Variants in STIMATE observed in about 807,000 individuals in gnomAD.
The protein encoded by STIMATE is STIM activating enhancer, also known as store-operated calcium entry regulator STIMATE.
STIMATE carries 15 observed loss-of-function variants against 36.7 expected under a neutral mutation model. The observed-to-expected ratio is 0.41, with a 90% confidence interval of 0.27 to 0.63. The LOEUF is 0.63. STIMATE is among the 20% of genes least tolerant of loss of function. The probability of loss-of-function intolerance (pLI) is 0.32; values close to 1 mark genes in which losing one functional copy is unlikely to be tolerated. For synonymous variants in STIMATE, 163 were observed against 162.3 expected (o/e 1.00, Z -0.03); for missense variants, 305 against 397.3 (o/e 0.77, Z 1.98).
chr3:52,863,025 T>C (rs1049007891), intron 1 of STIMATE, among the ~76,000 whole-genome samples: 9 of 151,932 alleles, frequency 5.9e-5, no homozygotes, highest in African/African-American at 2.2e-4. Flanking sequence ...CTGGAGGGAG[T>C]GTGGCCGCTG....
At chr3:52,881,471 A>G (rs1644603248) in intron 1 of STIMATE, among the ~76,000 whole-genome samples, 2 of 152,034 alleles carry the variant, frequency 1.3e-5, no homozygotes, top group Admixed American at 1.3e-4. Flanking sequence ...TTCGGAGGCC[A>G]AGGCGGGCGG....
At chr3:52,865,591 G>A (rs1230210139) in intron 1 of STIMATE, among the ~76,000 whole-genome samples, 1 of 146,386 alleles carries the variant, frequency 6.8e-6, no homozygotes, top group African/African-American at 2.5e-5. Context: ...GATCTCATGA[G>A]ACTTATTCAC....
At chr3:52,889,197 CGTAGTAG>C (rs1701742048) in intron 1 of STIMATE, among the ~76,000 whole-genome samples, 1 of 152,132 alleles carries the variant, frequency 6.6e-6, no homozygotes, top group Admixed American at 6.5e-5. Context: ...ACTATCCTGC[CGTAGTAG>C]GTACAGAATT....
At chr3:52,849,724 G>A (rs746859358) in intron 4 of STIMATE, 68 bp downstream of exon 4, 24 of 1,541,848 alleles carry the variant, frequency 1.6e-5, no homozygotes, top group East Asian at 7.1e-5. Flanking sequence ...CTGGTGGGCC[G>A]CATGGGGCAA....
At chr3:52,870,503 C>T (rs765260031) in intron 1 of STIMATE, among the ~76,000 whole-genome samples, 23 of 151,774 alleles carry the variant, frequency 1.5e-4, no homozygotes, top group Non-Finnish European at 7.4e-5. Context: ...GGTGAGCACA[C>T]GAGAGTGGCA....
At chr3:52,876,612 C>T (rs998099026) in intron 1 of STIMATE, among the ~76,000 whole-genome samples, 3 of 152,186 alleles carry the variant, frequency 2.0e-5, no homozygotes, top group East Asian at 1.9e-4. Context: ...AAAACCATTA[C>T]GAACACAAGT....
rs1700713698 is a variant in STIMATE, at chr3:52,836,954, C to A, written c.*3540G>T. The A allele has an allele frequency of 1.0e-5, 2 of 195,798 alleles. No individual in the cohort carries two copies. Among genetic ancestry groups the A allele is most frequent in the East Asian group, 1.3e-4 (1 of 7,504 alleles). 12.1% of individuals were successfully genotyped at this position (195,798 alleles called of 1,614,324 possible). Reference sequence around the variant, plus strand: ...AGGAAAAGAAAAATCAAATTTAAAACAACCCAACCAACCAACCACCAACCA... The same window carrying A: ...AGGAAAAGAAAAATCAAATTTAAAAAAACCCAACCAACCAACCACCAACCA... On this transcript the variant is annotated 3_prime_UTR_variant, in exon 8 of 8. Coordinates refer to ENST00000355083, the MANE Select transcript of STIMATE (RefSeq NM_198563.5).
chr3:52,852,245 T>C (rs1388403990), intron 3 of STIMATE, among the ~76,000 whole-genome samples: 1 of 152,180 alleles, frequency 6.6e-6, no homozygotes, highest in Admixed American at 6.5e-5. Flanking sequence ...AGCCCTGGTG[T>C]GTCCTGGTTC....
At chr3:52,872,920 C>T (rs1028881575) in intron 1 of STIMATE, among the ~76,000 whole-genome samples, 1 of 152,226 alleles carries the variant, frequency 6.6e-6, no homozygotes, top group South Asian at 2.1e-4. Context: ...GCCACCACGC[C>T]CGGCAACCAT....
chr3:52,884,374 T>C (rs1157373962), intron 1 of STIMATE, among the ~76,000 whole-genome samples: 2 of 151,788 alleles, frequency 1.3e-5, no homozygotes, highest in Non-Finnish European at 1.5e-5. Context: ...GCCTCCCGAG[T>C]ACCTGGGACA....
chr3:52,857,502 T>A (rs1701126431), intron 1 of STIMATE, among the ~76,000 whole-genome samples: 1 of 152,152 alleles, frequency 6.6e-6, no homozygotes, highest in Non-Finnish European at 1.5e-5. Context: ...CACTGCATGC[T>A]CATTTCTCCT....
At chr3:52,886,812 T>G (rs1400827490) in intron 1 of STIMATE, among the ~76,000 whole-genome samples, 1 of 152,230 alleles carries the variant, frequency 6.6e-6, no homozygotes, top group Non-Finnish European at 1.5e-5. Flanking sequence ...TAGAATCAAC[T>G]GACACCAGGC....
At chr3:52,859,531 A>AAAATATTT (rs748928249) in intron 1 of STIMATE, among the ~76,000 whole-genome samples, 1 of 18,810 alleles carries the variant, frequency 5.3e-5, no homozygotes, top group African/African-American at 1.3e-4. Context: ...AAAAAAAAAA[A>AAAATATTT]TTTTTTTTTT....
intron 1 of STIMATE, among the ~76,000 whole-genome samples, chr3:52,883,829 A>G (rs1701649010): frequency 6.6e-6 from 1 of 152,068 alleles, no homozygotes; most frequent in Non-Finnish European, 1.5e-5. Flanking sequence ...AAACTTTAGC[A>G]TATTTATAAC....
chr3:52,845,727 G>A (rs187705566), intron 4 of STIMATE, among the ~76,000 whole-genome samples: 8 of 152,140 alleles, frequency 5.3e-5, no homozygotes, highest in Non-Finnish European at 7.4e-5. Context: ...CATTTTGAAC[G>A]GAGAGAAGAC....
intron 1 of STIMATE, among the ~76,000 whole-genome samples, chr3:52,865,699 A>C (rs1701296113): frequency 6.6e-6 from 1 of 152,236 alleles, no homozygotes; most frequent in Non-Finnish European, 1.5e-5. Context: ...AGTACAATTC[A>C]AGGTGAGATT....
At chr3:52,849,173 C>A (rs1390269283) in intron 4 of STIMATE, among the ~76,000 whole-genome samples, 1 of 152,198 alleles carries the variant, frequency 6.6e-6, no homozygotes, top group Non-Finnish European at 1.5e-5. Flanking sequence ...GATACTGATC[C>A]ACCTGGAAGA....
Position 52,839,852 on chromosome 3 carries a change from A to G in STIMATE, c.*642T>C, listed in dbSNP as rs1700765799. 2 of 152,658 alleles carry G rather than the reference A, an allele frequency of 1.3e-5. No homozygotes were observed. The highest frequency in any genetic ancestry group is 2.9e-5 in the Non-Finnish European group (2 of 68,036). 9.5% of individuals were successfully genotyped at this position (152,658 alleles called of 1,614,324 possible). ...TTTTTAAATACAATAGTATGAAAATATAACTTAAAAATATAAAAGTCAAAC... is the reference window on the plus strand; with the variant it reads ...TTTTTAAATACAATAGTATGAAAATGTAACTTAAAAATATAAAAGTCAAAC... On this transcript the variant is annotated 3_prime_UTR_variant, in exon 8 of 8. Coordinates refer to ENST00000355083, the MANE Select transcript of STIMATE (RefSeq NM_198563.5).
chr3:52,896,371 C>T (rs144334353), intron 1 of STIMATE, among the ~76,000 whole-genome samples: 1 of 152,088 alleles, frequency 6.6e-6, no homozygotes, highest in African/African-American at 2.4e-5. Flanking sequence ...CCCCCTAAAA[C>T]GCAGTCACAA....
Sources: gnomAD v4.1 joint callset for allele counts (sites outside exome capture counted in the v4.1 genomes callset) on GRCh38, gnomAD v4.1.1 for gene constraint, MANE v1.5 for transcripts, NCBI Gene and HGNC (gene_info 2026-07-23, HGNC 2026-07-21) for gene names.